The following ARAP2 variants were observed in gnomAD, a reference collection of about 807,000 sequenced individuals.
The protein encoded by ARAP2 is ArfGAP with RhoGAP domain, ankyrin repeat and PH domain 2.
In ARAP2, 148 loss-of-function variants were observed where a neutral mutation model predicts 194.5. The observed-to-expected ratio is 0.76, with a 90% confidence interval of 0.67 to 0.87. The LOEUF is 0.87. Ranked by LOEUF, ARAP2 falls within the 40% of genes least tolerant of loss-of-function variation. The probability of loss-of-function intolerance (pLI) is 0.00; values close to 1 mark genes in which losing one functional copy is unlikely to be tolerated. For synonymous variants in ARAP2, 695 were observed against 683.5 expected (o/e 1.02, Z -0.26); for missense variants, 2,128 against 1,989.7 (o/e 1.07, Z -1.32).
chr4:36,208,146 G>C (rs1194618431), intron 6 of ARAP2, among the ~76,000 whole-genome samples: 2 of 152,174 alleles, frequency 1.3e-5, no homozygotes, highest in Non-Finnish European at 2.9e-5. Flanking sequence ...GCAGGGGAGA[G>C]CAACAGTCGT....
chr4:36,217,373 G>A lies in ARAP2; in HGVS notation c.906-2893C>T, dbSNP rs117467611. On this transcript the variant is annotated intron_variant, in intron 2 of 32. Transcript: ENST00000303965. The stretch of plus-strand genomic sequence containing the variant: ...CTAAAAACACAAAACTTAGCTGAGC[G>A]TGGTGGCGGCACGCCAGGCACCTGT... 1.6e-3 allele frequency among the ~76,000 whole-genome samples: 236 copies of A among 152,202 alleles called. 5 individuals are homozygous for A. In the East Asian group the frequency reaches 0.031, roughly 20 times the overall value.
chr4:36,095,519 C>T (rs1714917449), intron 27 of ARAP2, among the ~76,000 whole-genome samples: 1 of 152,098 alleles, frequency 6.6e-6, no homozygotes, highest in Admixed American at 6.6e-5. Context: ...GCACAATACA[C>T]TTTGTGCTCC....
chr4:36,049,320 T>C (rs1722302294), intron 3 of ARAP2, among the ~76,000 whole-genome samples: 1 of 152,188 alleles, frequency 6.6e-6, no homozygotes, highest in African/African-American at 2.4e-5. Context: ...TATTCAATCA[T>C]TCTTTAAGAA....
chr4:36,033,120 T>G (rs1352077350), intron 5 of ARAP2, among the ~76,000 whole-genome samples: 1 of 152,222 alleles, frequency 6.6e-6, no homozygotes, highest in Non-Finnish European at 1.5e-5. Context: ...TTGTAAATAG[T>G]GTTTCCATAA....
chr4:36,136,546 TAG>T (rs1726751378), intron 19 of ARAP2, among the ~76,000 whole-genome samples: 1 of 151,656 alleles, frequency 6.6e-6, no homozygotes, highest in African/African-American at 2.4e-5. Context: ...TCACAAATAA[TAG>T]ATCAATAAAC....
At chr4:36,025,537 A>T (rs1717749523) in intron 5 of ARAP2, among the ~76,000 whole-genome samples, 1 of 152,210 alleles carries the variant, frequency 6.6e-6, no homozygotes, top group Non-Finnish European at 1.5e-5. Flanking sequence ...GATCTCCAGA[A>T]TGTTTTTCTT....
At chr4:36,155,596 A>G (rs1291090818) in intron 15 of ARAP2, among the ~76,000 whole-genome samples, 1 of 152,040 alleles carries the variant, frequency 6.6e-6, no homozygotes, top group African/African-American at 2.4e-5. Flanking sequence ...GAATAACAGT[A>G]GATGCAGGAG....
At chr4:36,173,166 T>C (rs1360936247) in intron 9 of ARAP2, among the ~76,000 whole-genome samples, 2 of 151,888 alleles carry the variant, frequency 1.3e-5, no homozygotes, top group African/African-American at 4.8e-5. Context: ...ATTAACATGA[T>C]ATTAAAAAAA....
At chr4:36,076,699 G>A (rs1728339062) in intron 31 of ARAP2, among the ~76,000 whole-genome samples, 1 of 151,634 alleles carries the variant, frequency 6.6e-6, no homozygotes, top group African/African-American at 2.4e-5. Flanking sequence ...CTATAGCTTT[G>A]AATATAATCT....
intron 3 of ARAP2, 60 bp from the exon 4 acceptor site, chr4:36,213,379 T>TA (rs557111650): frequency 5.2e-5 from 66 of 1,273,210 alleles, no homozygotes; most frequent in Non-Finnish European, 7.1e-5. Flanking sequence ...ATACTGTTTT[T>TA]AAAAAAAGAT....
intron 15 of ARAP2, among the ~76,000 whole-genome samples, chr4:36,151,752 A>T (rs1731039093): frequency 6.6e-6 from 1 of 152,150 alleles, no homozygotes; most frequent in Non-Finnish European, 1.5e-5. Context: ...AAGTGTGCAT[A>T]TAAAGTGTGA....
chr4:36,147,193 C>T, intron 19 of ARAP2, 103 bp downstream of exon 19: 1 of 1,012,550 alleles, frequency 9.9e-7, no homozygotes, highest in Non-Finnish European at 1.5e-6. Flanking sequence ...AAAATTTCAA[C>T]AGGTTTTAAA....
At chr4:36,147,960 T>C (rs1730040191) in intron 17 of ARAP2, among the ~76,000 whole-genome samples, 2 of 152,142 alleles carry the variant, frequency 1.3e-5, no homozygotes, top group Non-Finnish European at 2.9e-5. Flanking sequence ...AAACCATTTT[T>C]CTTGCTATGT....
At position 36,025,682 on chromosome 4, in the gene ARAP2, G is replaced by GA. The variant is rs201201054; in HGVS notation, n.608-6397dup. ...TGTGGAGAATTACACTTTGCAGAAAGAAAAAAAAAAAACCTTGAAATGCAG... is the reference window on the plus strand; with the variant it reads ...TGTGGAGAATTACACTTTGCAGAAAGAAAAAAAAAAAAACCTTGAAATGCAG... On this transcript the variant is annotated intron_variant and non_coding_transcript_variant, in intron 5 of 12. Coordinates refer to the ARAP2 transcript ENST00000503225. Among the ~76,000 whole-genome samples the GA allele has an allele frequency of 3.3e-3, 440 of 133,850 alleles. 3 individuals are homozygous for GA. The highest frequency in any genetic ancestry group is 5.3e-3 in the Admixed American group (71 of 13,312). 87.8% of individuals were successfully genotyped at this position (133,850 alleles called of 152,430 possible). A position where few individuals can be genotyped will look rare whatever the true frequency, so the allele number is the denominator to read the frequency against.
chr4:36,152,780 A>G (rs1323185211), intron 15 of ARAP2, among the ~76,000 whole-genome samples: 1 of 152,210 alleles, frequency 6.6e-6, no homozygotes, highest in South Asian at 2.1e-4. Context: ...ATCCTTCCAT[A>G]ATATCAGGAA....
At chr4:36,105,899 A>G (rs1033570686) in intron 27 of ARAP2, among the ~76,000 whole-genome samples, 3 of 152,022 alleles carry the variant, frequency 2.0e-5, no homozygotes, top group Admixed American at 6.6e-5. Context: ...TGTAGGTTTT[A>G]AACATGTTGC....
At chr4:36,029,656 A>T (rs914834454) in intron 5 of ARAP2, among the ~76,000 whole-genome samples, 2 of 151,352 alleles carry the variant, frequency 1.3e-5, no homozygotes, top group African/African-American at 4.8e-5. Context: ...TATTTTATAT[A>T]TTCTTTTCCC....
At chr4:36,198,339 A>G (rs1269467398) in intron 6 of ARAP2, among the ~76,000 whole-genome samples, 1 of 152,200 alleles carries the variant, frequency 6.6e-6, no homozygotes, top group Non-Finnish European at 1.5e-5. Context: ...ATGGGCAGTC[A>G]TAGGCAGACC....
At chr4:36,131,523 C>T (rs566243824) in intron 20 of ARAP2, among the ~76,000 whole-genome samples, 3 of 151,330 alleles carry the variant, frequency 2.0e-5, no homozygotes, top group Non-Finnish European at 4.4e-5. Flanking sequence ...TTCTAACATG[C>T]AAGTGAAGGC....
Sources: allele counts gnomAD v4.1 joint callset (sites outside exome capture counted in the v4.1 genomes callset), GRCh38; gene constraint gnomAD v4.1.1; transcripts MANE v1.5; gene names NCBI Gene and HGNC (gene_info 2026-07-23, HGNC 2026-07-21).